The following DDHD1 variants were observed in gnomAD, a reference collection of about 807,000 sequenced individuals.
DDHD1 encodes phospholipase DDHD1.
A neutral mutation model predicts 96.4 loss-of-function variants in DDHD1; 49 were observed. The observed-to-expected ratio is 0.51, with a 90% CI of 0.40 to 0.64. The LOEUF is 0.64. Among genes scored for constraint, DDHD1 ranks in the 30% least tolerant of loss-of-function variants. The pLI is 0.00. For missense variants in DDHD1, 1,106 were observed against 1,161.2 expected (o/e 0.95, Z 0.69); for synonymous variants, 442 against 446.5 (o/e 0.99, Z 0.13).
chr14:53,055,854 A>T lies in DDHD1; in HGVS notation c.2051T>A (p.Ile684Asn). The change falls in exon 10 of 13, where the codon ATC becomes AAC. Residue 684 changes from isoleucine to asparagine, a missense_variant. By Grantham distance (149) the Ile-to-Asn change is moderately radical (BLOSUM62 -3). Around this residue, in one of 2 missense-constraint regions of DDHD1, gnomAD observed 650 missense variants for 758.8 expected, o/e 0.86. Transcript: ENST00000673822. The stretch of plus-strand genomic sequence containing the variant: ...AGGATTTGAAGTATTGTACCAGTGG[A>T]TCTGGACAGGTGAAATGTTGCTGTA... ...KHYSNISPVQ[I>N]HWYNTSNPLP... 3 of 1,613,736 alleles carry T rather than the reference A, an allele frequency of 1.9e-6. No homozygotes were observed. The highest frequency in any genetic ancestry group is 2.5e-6 in the Non-Finnish European group (3 of 1,179,734).
At chr14:53,124,326 T>A (rs980536401) in intron 1 of DDHD1, among the ~76,000 whole-genome samples, 3 of 151,946 alleles carry the variant, frequency 2.0e-5, no homozygotes, top group Admixed American at 2.0e-4. Flanking sequence ...GGATCTAGCA[T>A]CAAAATGCTA....
chr14:53,130,989 C>T (rs1042267804), intron 1 of DDHD1, among the ~76,000 whole-genome samples: 3 of 152,198 alleles, frequency 2.0e-5, no homozygotes, highest in Admixed American at 6.5e-5. Context: ...CTCCCCATTA[C>T]CTTCTTTTCA....
At chr14:53,050,534 C>T (rs553090501) in intron 12 of DDHD1, among the ~76,000 whole-genome samples, 15 of 152,148 alleles carry the variant, frequency 9.9e-5, no homozygotes, top group South Asian at 4.2e-4. Context: ...TTTTGCGGTT[C>T]GTCACATTCT....
intron 3 of DDHD1, chr14:53,092,446 T>G (rs1886509552): frequency 6.6e-6 from 1 of 152,080 alleles, no homozygotes; most frequent in South Asian, 2.1e-4. Flanking sequence ...ATATAAAAAT[T>G]TTATCAAACT....
intron 1 of DDHD1, among the ~76,000 whole-genome samples, chr14:53,119,435 T>G (rs144686608): frequency 6.6e-6 from 1 of 152,044 alleles, no homozygotes; most frequent in Admixed American, 6.6e-5. Flanking sequence ...AAAGAAAGAA[T>G]CCTCCCTAAC....
At chr14:53,107,948 G>A (rs929592890) in intron 1 of DDHD1, among the ~76,000 whole-genome samples, 1 of 152,182 alleles carries the variant, frequency 6.6e-6, no homozygotes, top group Non-Finnish European at 1.5e-5. Flanking sequence ...TATTGCCTGA[G>A]AGCACAGCGG....
intron 1 of DDHD1, among the ~76,000 whole-genome samples, chr14:53,138,665 C>G (rs1220099460): frequency 6.6e-6 from 1 of 152,050 alleles, no homozygotes; most frequent in Non-Finnish European, 1.5e-5. Context: ...TAAGTACTTG[C>G]TTACTTAGGG....
rs1291178757 is a variant in DDHD1 at position 53,063,120 on chromosome 14, T to C, written c.1589A>G (p.Lys530Arg). Reference sequence around the variant, plus strand: ...CAAGGAATGTGATACTATTGAGACTTTACCCCCTTTTTCTTCAAAGTCTGG... The same window carrying C: ...CAAGGAATGTGATACTATTGAGACTCTACCCCCTTTTTCTTCAAAGTCTGG... ...RNPDFEEKGG[K>R]VSIVSHSLGC... Residue 530 changes from lysine to arginine, a missense_variant, in exon 7 of 13, where the codon AAA becomes AGA. Physicochemically the swap from Lys to Arg is conservative, Grantham distance 26. This residue lies in a region of DDHD1 where 650 missense variants were observed against 758.8 expected (regional missense o/e 0.86). Transcript: ENST00000673822. 2 of 1,614,072 alleles carry C rather than the reference T, an allele frequency of 1.2e-6. No homozygotes were observed. The highest frequency in any genetic ancestry group is 3.3e-5 in the Admixed American group (2 of 60,020).
intron 4 of DDHD1, among the ~76,000 whole-genome samples, chr14:53,075,118 G>A (rs1449855748): frequency 1.3e-5 from 2 of 152,100 alleles, no homozygotes; most frequent in African/African-American, 4.8e-5. Context: ...TGGCCTCTAG[G>A]TGATCAAGTG....
At chr14:53,075,924 G>C (rs1330031302) in intron 4 of DDHD1, among the ~76,000 whole-genome samples, 1 of 151,938 alleles carries the variant, frequency 6.6e-6, no homozygotes, top group Non-Finnish European at 1.5e-5. Context: ...CCACTGTTGA[G>C]ACCTACTGCT....
chr14:53,061,051 C>A, intron 8 of DDHD1, 75 bp downstream of exon 8: 1 of 1,279,172 alleles, frequency 7.8e-7, no homozygotes, highest in Non-Finnish European at 1.1e-6. Context: ...TCATTTGAAT[C>A]CTAAAGGCAT....
chr14:53,093,877 TA>T (rs1886649973), intron 2 of DDHD1: 1 of 165,914 alleles, frequency 6.0e-6, no homozygotes, highest in Non-Finnish European at 1.3e-5. Context: ...AAAGGATTTG[TA>T]AAAATTTCAC....
At chr14:53,111,011 C>T (rs1888060498) in intron 1 of DDHD1, among the ~76,000 whole-genome samples, 1 of 152,088 alleles carries the variant, frequency 6.6e-6, no homozygotes. Context: ...AAGTCATTAT[C>T]CTAATTACAA....
chr14:53,129,071 A>G (rs1484358368), intron 1 of DDHD1, among the ~76,000 whole-genome samples: 1 of 152,096 alleles, frequency 6.6e-6, no homozygotes, highest in Non-Finnish European at 1.5e-5. Flanking sequence ...CAATTTGCTG[A>G]CTCCTTTTTC....
chr14:53,152,051 G>C (rs1283497947), intron 1 of DDHD1, among the ~76,000 whole-genome samples: 4 of 152,152 alleles, frequency 2.6e-5, no homozygotes, highest in Non-Finnish European at 5.9e-5. Context: ...AAGGTATCCA[G>C]TCCTCCTGAC....
intron 1 of DDHD1, among the ~76,000 whole-genome samples, chr14:53,112,415 CAAA>C: frequency 9.3e-6 from 1 of 107,486 alleles, no homozygotes; most frequent in African/African-American, 3.5e-5. Context: ...GACTCCATCT[CAAA>C]AAAAAAAAAA....
intron 1 of DDHD1, among the ~76,000 whole-genome samples, chr14:53,138,280 CT>C (rs1338329743): frequency 6.6e-6 from 1 of 152,074 alleles, no homozygotes; most frequent in Non-Finnish European, 1.5e-5. Flanking sequence ...TGGTGCACAT[CT>C]ATAATCCCAG....
intron 6 of DDHD1, among the ~76,000 whole-genome samples, chr14:53,069,672 T>G (rs1461453174): frequency 6.6e-6 from 1 of 152,208 alleles, no homozygotes; most frequent in Non-Finnish European, 1.5e-5. Context: ...CATATTCACC[T>G]ACATATATAA....
chr14:53,094,232 G>A (rs895303794), intron 2 of DDHD1, among the ~76,000 whole-genome samples: 2 of 151,564 alleles, frequency 1.3e-5, no homozygotes, highest in African/African-American at 4.9e-5. Flanking sequence ...ACTCAGAGGG[G>A]AAAAAAATTT....
Sources: allele counts gnomAD v4.1 joint callset (sites outside exome capture counted in the v4.1 genomes callset), GRCh38; gene constraint gnomAD v4.1.1; regional missense constraint gnomAD v4.1.1; transcripts MANE v1.5; gene names NCBI Gene and HGNC (gene_info 2026-07-23, HGNC 2026-07-21).